Variants in HTR4 observed in about 807,000 individuals in gnomAD.
HTR4 encodes 5-hydroxytryptamine (serotonin) receptor 4, G protein-coupled.
HTR4 carries 16 observed loss-of-function variants against 36.8 expected under a neutral mutation model. The ratio of observed to expected loss-of-function variants is 0.43; its 90% CI spans 0.29 to 0.66. The LOEUF (loss-of-function observed/expected upper bound fraction) is 0.66. HTR4 is among the 30% of genes least tolerant of loss of function. The pLI is 0.13. For synonymous variants in HTR4, 189 were observed against 185.1 expected (o/e 1.02, Z -0.17); for missense variants, 438 against 490.9 (o/e 0.89, Z 1.02).
chr5:148,511,619 TTGTGTG>T (rs529668445), intron 5 of HTR4, among the ~76,000 whole-genome samples: 93 of 139,348 alleles, frequency 6.7e-4, no homozygotes, highest in African/African-American at 1.4e-3. Context: ...TTGTGGAAGT[TTGTGTG>T]TGTGTGTGTG....
intron 2 of HTR4, among the ~76,000 whole-genome samples, chr5:148,619,619 G>C (rs565904056): frequency 6.6e-6 from 1 of 152,088 alleles, no homozygotes; most frequent in Non-Finnish European, 1.5e-5. Flanking sequence ...AAGCCAGCAG[G>C]AGCCCACACA....
At chr5:148,601,497 A>G (rs998574566) in intron 2 of HTR4, among the ~76,000 whole-genome samples, 1 of 152,186 alleles carries the variant, frequency 6.6e-6, no homozygotes, top group Admixed American at 6.5e-5. Flanking sequence ...GCAGTGGAAT[A>G]ACATTTAGCC....
At chr5:148,530,517 C>T (rs1758510293) in intron 4 of HTR4, among the ~76,000 whole-genome samples, 1 of 152,190 alleles carries the variant, frequency 6.6e-6, no homozygotes, top group African/African-American at 2.4e-5. Flanking sequence ...GAACCTCCAC[C>T]TAGATTACAG....
chr5:148,520,160 A>G (rs1433540679), intron 5 of HTR4, among the ~76,000 whole-genome samples: 1 of 152,160 alleles, frequency 6.6e-6, no homozygotes, highest in Non-Finnish European at 1.5e-5. Flanking sequence ...ACTTTATAGA[A>G]TTTAATTGCC....
intron 4 of HTR4, among the ~76,000 whole-genome samples, chr5:148,534,313 T>G (rs1758709737): frequency 6.6e-6 from 1 of 152,232 alleles, no homozygotes; most frequent in South Asian, 2.1e-4. Context: ...CTTTTCACTC[T>G]TGATACCTCC....
At chr5:148,511,968 T>G (rs1581404844) in intron 5 of HTR4, among the ~76,000 whole-genome samples, 1 of 152,206 alleles carries the variant, frequency 6.6e-6, no homozygotes, top group African/African-American at 2.4e-5. Flanking sequence ...TACTGAAAAG[T>G]GTCCTGGGCA....
At position 148,610,162 on chromosome 5, in the gene HTR4, C is replaced by T. The variant is rs1752360478; in HGVS notation, c.26+26827G>A. Among the ~76,000 whole-genome samples, 4 of 152,140 alleles carry T rather than the reference C, an allele frequency of 2.6e-5. No individual in the cohort carries two copies. The South Asian group carries it at 8.3e-4, about 32-fold the overall frequency. ...GGAGGCCTTCTTCAGCCCTCATAGT[C>T]TTGTGGATAGAAAGCTCCTAAAGGT... On this transcript the variant is annotated intron_variant, in intron 2 of 6. Transcript: ENST00000377888.
In HTR4 at chr5:148,524,089, G is replaced by T. The variant is rs12654138; in HGVS notation, c.354-743C>A. Among the ~76,000 whole-genome samples, 366 of 151,808 alleles carry T rather than the reference G, an allele frequency of 2.4e-3. 14 individuals are homozygous for T. The East Asian group carries it at 0.067, about 28-fold the overall frequency. ...TCACCTGAGGAAGCCTTTTTAAAAT[G>T]CAGATCCCAAGGATCTCCTGAATCA... is the stretch of plus-strand genomic sequence containing the variant. On this transcript the variant is annotated intron_variant, in intron 4 of 6. Transcript: ENST00000377888.
chr5:148,491,430 T>A (rs1049514918), intron 6 of HTR4, among the ~76,000 whole-genome samples: 2 of 152,130 alleles, frequency 1.3e-5, no homozygotes, highest in Non-Finnish European at 2.9e-5. Flanking sequence ...CTGCTGTCCT[T>A]GGCAGTGGCA....
downstream of HTR4, among the ~76,000 whole-genome samples, chr5:148,472,707 C>G (rs564335467): frequency 2.0e-5 from 3 of 151,992 alleles, no homozygotes; most frequent in African/African-American, 7.2e-5. Context: ...AACTGGCAGG[C>G]GATGGAAGAA....
chr5:148,590,242 T>TTTA (rs1277753336), intron 2 of HTR4, among the ~76,000 whole-genome samples: 1 of 151,720 alleles, frequency 6.6e-6, no homozygotes, highest in Non-Finnish European at 1.5e-5. Flanking sequence ...CTACCTTGTT[T>TTTA]TTATTATTCT....
chr5:148,597,348 A>G (rs774467194), intron 2 of HTR4, among the ~76,000 whole-genome samples: 2 of 152,216 alleles, frequency 1.3e-5, no homozygotes, highest in Non-Finnish European at 2.9e-5. Flanking sequence ...ACAGGCTCCA[A>G]CCAGGGTCTT....
intron 6 of HTR4, among the ~76,000 whole-genome samples, chr5:148,483,729 A>C (rs1756003638): frequency 1.3e-5 from 2 of 152,296 alleles, no homozygotes; most frequent in South Asian, 2.1e-4. Flanking sequence ...AAAGTGCACA[A>C]ATTTTCGCAG....
chr5:148,643,490 C>A (rs1401414775), intron 1 of HTR4, among the ~76,000 whole-genome samples: 2 of 151,820 alleles, frequency 1.3e-5, no homozygotes, highest in Non-Finnish European at 2.9e-5. Context: ...AAAACAGGAC[C>A]AATTAAGTGT....
chr5:148,471,668 C>T (rs1178094628), downstream of HTR4, among the ~76,000 whole-genome samples: 3 of 152,184 alleles, frequency 2.0e-5, no homozygotes, highest in East Asian at 1.9e-4. Flanking sequence ...AACCTAGTGA[C>T]TTTATTATAA....
Position 148,654,087 on chromosome 5 carries a change from G to A in HTR4, c.-73C>T. ...CCGCTGCCAGAGGCGAGGGAGCGAG[G>A]TGCCCTGGCAGATTCGAGCGGCCAC... On this transcript the variant is annotated 5_prime_UTR_variant, in exon 1 of 7. Coordinates refer to ENST00000377888, the MANE Select transcript of HTR4 (RefSeq NM_000870.7). 7 of 985,364 alleles carry A rather than the reference G, an allele frequency of 7.1e-6. No individual in the cohort carries two copies. The highest frequency in any genetic ancestry group is 1.7e-5 in the African/African-American group (1 of 57,330). The allele number at this position is 985,364 out of a possible 1,614,324, so 61.0% of individuals were successfully genotyped here.
rs1049756945 is a variant in HTR4, at chr5:148,465,749, C to A, written c.1077-14477G>T. The stretch of plus-strand genomic sequence containing the variant: ...AACAATTGTGCACCCTTAACTTTGT[C>A]CTGTGAGGACAGAAGTATAAACAGA... On this transcript the variant is annotated intron_variant, in intron 5 of 5. Transcript: ENST00000521530. The A allele has an allele frequency of 2.3e-5, 33 of 1,462,208 alleles. No homozygotes were observed. In the Middle Eastern group the frequency reaches 1.8e-3, roughly 81 times the overall value. 90.6% of individuals were successfully genotyped at this position (1,462,208 alleles called of 1,614,324 possible). A position where few individuals can be genotyped will look rare whatever the true frequency, so the allele number is the denominator to read the frequency against.
intron 2 of HTR4, among the ~76,000 whole-genome samples, chr5:148,557,755 A>G (rs1581474004): frequency 6.7e-6 from 1 of 148,460 alleles, no homozygotes; most frequent in East Asian, 1.9e-4. Flanking sequence ...ATGTATGTAT[A>G]ATACATATAT....
chr5:148,529,615 T>C (rs532997014), intron 4 of HTR4, among the ~76,000 whole-genome samples: 2 of 152,318 alleles, frequency 1.3e-5, no homozygotes, highest in South Asian at 4.1e-4. Context: ...ATCAGCAGCA[T>C]GAAAATGGAC....
Sources: allele counts gnomAD v4.1 joint callset (sites outside exome capture counted in the v4.1 genomes callset), GRCh38; gene constraint gnomAD v4.1.1; transcripts MANE v1.5; gene names NCBI Gene and HGNC (gene_info 2026-07-23, HGNC 2026-07-21).